CDKL1: variants seen among roughly 807,000 people sequenced by gnomAD.
CDKL1 encodes cyclin-dependent kinase-like 1.
In CDKL1, 41 loss-of-function variants were observed where a neutral mutation model predicts 42.0. The ratio of observed to expected loss-of-function variants is 0.98; its 90% CI spans 0.76 to 1.27. The LOEUF is 1.27. Among genes scored for constraint, CDKL1 ranks in the 50% most tolerant of loss-of-function variants. The probability of loss-of-function intolerance (pLI) is 0.00; values close to 1 mark genes in which losing one functional copy is unlikely to be tolerated. For missense variants in CDKL1, 394 were observed against 428.4 expected (o/e 0.92, Z 0.71); for synonymous variants, 153 against 158.6 (o/e 0.96, Z 0.26).
chr14:50,351,476 G>C (rs1019334099), intron 3 of CDKL1, among the ~76,000 whole-genome samples: 2 of 152,172 alleles, frequency 1.3e-5, no homozygotes, highest in Admixed American at 6.5e-5. Flanking sequence ...GCTCATGCCT[G>C]TAATCCCAGC....
chr14:50,337,268 C>T (rs1195651286), intron 7 of CDKL1, among the ~76,000 whole-genome samples: 3 of 151,756 alleles, frequency 2.0e-5, no homozygotes, highest in African/African-American at 7.3e-5. Context: ...CTCGGCCTCC[C>T]AAAGTGCTGG....
At chr14:50,338,013 C>T (rs2033370745) in intron 7 of CDKL1, among the ~76,000 whole-genome samples, 1 of 152,092 alleles carries the variant, frequency 6.6e-6, no homozygotes, top group Non-Finnish European at 1.5e-5. Context: ...TAATCCCCTA[C>T]TGATGGAATA....
rs781394633 is a variant in CDKL1, at chr14:50,359,051, A to G, written c.267T>C (p.His89=). Residue 89 remains histidine, a synonymous_variant, in exon 3 of 10, where the codon CAT becomes CAC. Coordinates refer to ENST00000395834, the MANE Select transcript of CDKL1 (RefSeq NM_004196.7). ...VFEYCDHTVL[H]ELDRYQRGVP... is the part of the protein sequence containing the mutation. ...ACCCTCTTTGGTATCTGTCCAACTC[A>G]TGGAGAACTGTGTGGTCACAATATT... is the stretch of plus-strand genomic sequence containing the variant. The G allele has an allele frequency of 1.2e-6, 2 of 1,612,878 alleles. No homozygotes were observed. Among genetic ancestry groups the G allele is most frequent in the South Asian group, 1.1e-5 (1 of 91,054 alleles).
chr14:50,350,240 G>A (rs1454040668), intron 3 of CDKL1, among the ~76,000 whole-genome samples: 3 of 152,170 alleles, frequency 2.0e-5, no homozygotes, highest in East Asian at 3.9e-4. Context: ...ATTGTAGCCC[G>A]TGCTAGCAAG....
At chr14:50,347,342 T>TAGAG (rs371500215) in intron 3 of CDKL1, among the ~76,000 whole-genome samples, 4 of 149,828 alleles carry the variant, frequency 2.7e-5, no homozygotes, top group East Asian at 1.9e-4. Flanking sequence ...GTGTTGGATT[T>TAGAG]AGAGAGAGAG....
rs964113400 is a variant in CDKL1, at chr14:50,373,997, A to T, written c.169-14848T>A. 2.0e-5 allele frequency among the ~76,000 whole-genome samples: 3 copies of T among 152,378 alleles called. No individual in the cohort carries two copies. The East Asian group carries it at 5.8e-4, about 29-fold the overall frequency. On this transcript the variant is annotated intron_variant, in intron 2 of 9. Transcript: ENST00000395834. The stretch of plus-strand genomic sequence containing the variant: ...GCAAATGTTTTTAACAGCTTTATTC[A>T]TAATCACCAAAAACTAGAAGCAACC...
chr14:50,396,472 T>C (rs1275937230), intron 1 of CDKL1, 143 bp from the exon 2 acceptor site: 2 of 983,740 alleles, frequency 2.0e-6, no homozygotes, highest in Non-Finnish European at 2.4e-6. Flanking sequence ...AGTTAAAATG[T>C]AACTTGCCAT....
intron 2 of CDKL1, among the ~76,000 whole-genome samples, chr14:50,392,553 C>T (rs1003909903): frequency 2.0e-5 from 3 of 151,788 alleles, no homozygotes; most frequent in Non-Finnish European, 2.9e-5. Context: ...CCTCCCTTGC[C>T]GGTTCCTTTT....
chr14:50,332,328 G>T lies in CDKL1; in HGVS notation c.900C>A (p.His300Gln). The change falls in exon 9 of 10, where the codon CAC becomes CAA. Residue 300 changes from histidine (H) to glutamine (Q), a missense_variant. His to Gln is a conservative substitution (Grantham distance 24). Transcript: ENST00000395834. ...TTAGGGTCTTCCTTGTTGGTTTGTT[G>T]TGTTCTTTTGCCAAATCCTCTATTT... ...IREIEDLAKEHNKPTRKTLRK... is the reference protein window; with the variant it reads ...IREIEDLAKEQNKPTRKTLRK... The T allele has an allele frequency of 6.2e-7, 1 of 1,614,140 alleles. No homozygotes were observed. Among genetic ancestry groups the T allele is most frequent in the African/African-American group, 1.3e-5 (1 of 75,026 alleles).
chr14:50,342,645 A>T, intron 4 of CDKL1: 1 of 228,416 alleles, frequency 4.4e-6, no homozygotes, highest in Non-Finnish European at 8.2e-6. Context: ...TGACAGTTTT[A>T]GGTGAAAGGG....
At chr14:50,388,086 C>T (rs1198825607) in intron 2 of CDKL1, among the ~76,000 whole-genome samples, 6 of 152,016 alleles carry the variant, frequency 3.9e-5, no homozygotes, top group East Asian at 3.9e-4. Flanking sequence ...TTAGTAGAGA[C>T]GGGGATGTTG....
intron 2 of CDKL1, among the ~76,000 whole-genome samples, chr14:50,377,286 A>G (rs1031534611): frequency 1.3e-5 from 2 of 152,106 alleles, no homozygotes; most frequent in South Asian, 4.1e-4. Context: ...GCAGGAGTTA[A>G]CACTCCATAG....
intron 5 of CDKL1, 101 bp from the exon 6 acceptor site, chr14:50,341,333 C>T (rs563646000): frequency 7.0e-7 from 1 of 1,434,728 alleles, no homozygotes; most frequent in East Asian, 2.5e-5. Flanking sequence ...ATTTTGTGGC[C>T]TTTCTATATC....
At chr14:50,336,475 C>A (rs936542838) in intron 7 of CDKL1, among the ~76,000 whole-genome samples, 2 of 152,128 alleles carry the variant, frequency 1.3e-5, no homozygotes, top group Non-Finnish European at 2.9e-5. Flanking sequence ...GTCATTCCTG[C>A]CCCTCCGTCC....
chr14:50,370,125 G>A (rs1366537729), intron 2 of CDKL1, among the ~76,000 whole-genome samples: 2 of 150,800 alleles, frequency 1.3e-5, no homozygotes, highest in East Asian at 3.9e-4. Flanking sequence ...CTGGAGTGCA[G>A]TGGCACGATC....
At chr14:50,391,004 T>C (rs1273769990) in intron 2 of CDKL1, among the ~76,000 whole-genome samples, 3 of 152,122 alleles carry the variant, frequency 2.0e-5, no homozygotes, top group Non-Finnish European at 4.4e-5. Flanking sequence ...CCAGCTAATT[T>C]TTCTATTTTT....
At position 50,332,122 on chromosome 14, in the gene CDKL1, C is replaced by G. The variant is rs11570878; in HGVS notation, c.966+140G>C. 4.4e-6 allele frequency: 7 copies of G among 1,606,586 alleles called. No homozygotes were observed. The African/African-American group carries it at 9.4e-5, about 21-fold the overall frequency. ...CTTCAGGAGACAGATGTCCCTGGGG[C>G]CCTGGTTGATAGATCCTATGACCTG... On this transcript the variant is annotated intron_variant, in intron 9 of 9. Transcript: ENST00000395834.
chr14:50,333,894 T>G (rs2033108773), intron 8 of CDKL1: 1 of 149,360 alleles, frequency 6.7e-6, no homozygotes, highest in African/African-American at 2.5e-5. Flanking sequence ...TAAATATATA[T>G]ATATATAAAT....
chr14:50,384,264 A>G (rs955256051), intron 2 of CDKL1, among the ~76,000 whole-genome samples: 2 of 152,210 alleles, frequency 1.3e-5, no homozygotes, highest in Admixed American at 1.3e-4. Flanking sequence ...AAACTGTCCA[A>G]TCCCTAAGGC....
Sources: gnomAD v4.1 joint callset for allele counts (sites outside exome capture counted in the v4.1 genomes callset) on GRCh38, gnomAD v4.1.1 for gene constraint, MANE v1.5 for transcripts, NCBI Gene and HGNC (gene_info 2026-07-23, HGNC 2026-07-21) for gene names.